KCNH8: variants seen among roughly 807,000 people sequenced by gnomAD.
The protein encoded by KCNH8 is potassium voltage-gated channel subfamily H member 8.
Under a neutral mutation model 103.6 loss-of-function variants are expected in KCNH8, and 70 were observed. The ratio of observed to expected loss-of-function variants is 0.68; its 90% CI spans 0.56 to 0.82. The LOEUF is 0.82. KCNH8 is among the 40% of genes least tolerant of loss of function. KCNH8 has a pLI of 0.00. For missense variants in KCNH8, 1,217 were observed against 1,329.9 expected, an observed-to-expected ratio of 0.92 and a Z score of 1.32; for synonymous variants, 498 against 489.4, an observed-to-expected ratio of 1.02 and a Z score of -0.23.
intron 2 of KCNH8, among the ~76,000 whole-genome samples, chr3:19,257,515 G>T (rs1185190804): frequency 6.6e-6 from 1 of 151,938 alleles, no homozygotes; most frequent in Non-Finnish European, 1.5e-5. Flanking sequence ...TCAACAAGTT[G>T]TGTCTTCTCT....
intron 2 of KCNH8, among the ~76,000 whole-genome samples, chr3:19,276,739 C>A (rs528564648): frequency 6.6e-6 from 1 of 152,166 alleles, no homozygotes; most frequent in Middle Eastern, 3.4e-3. Context: ...CATATGAGTT[C>A]TCTAATAATT....
intron 12 of KCNH8, 37 bp from the exon 13 acceptor site, chr3:19,512,933 T>C: frequency 6.4e-7 from 1 of 1,573,678 alleles, no homozygotes; most frequent in South Asian, 1.2e-5. Context: ...CTGCGGTTTT[T>C]GCAGTCTGTA....
At position 19,347,839 on chromosome 3, in the gene KCNH8, T is replaced by A; in HGVS notation, c.685T>A (p.Leu229Met). Reference protein sequence around the residue: ...TFKAGWDWLILLATFYVAVTV... With the variant: ...TFKAGWDWLIMLATFYVAVTV... ...TAAAGCTGGCTGGGACTGGCTTATT[T>A]TGTTGGCAACGTTTTATGTTGCTGT... is the stretch of plus-strand genomic sequence containing the variant. Residue 229 changes from leucine to methionine, a missense_variant, in exon 5 of 16, where the codon TTG becomes ATG. By Grantham distance (15) the Leu-to-Met change is conservative. This residue lies in a region of KCNH8 where 415 missense variants were observed against 577.4 expected (regional missense o/e 0.72). Coordinates refer to ENST00000328405, the MANE Select transcript of KCNH8 (RefSeq NM_144633.3). The A allele has an allele frequency of 6.2e-7, 1 of 1,613,426 alleles. No homozygotes were observed. The highest frequency in any genetic ancestry group is 8.5e-7 in the Non-Finnish European group (1 of 1,179,506).
chr3:19,443,738 T>C lies in KCNH8; in HGVS notation c.1375+5377T>C, dbSNP rs78538094. Among the ~76,000 whole-genome samples the C allele has an allele frequency of 2.8e-3, 424 of 151,940 alleles. 4 individuals are homozygous for C. Among genetic ancestry groups the C allele is most frequent in the African/African-American group, 9.7e-3 (404 of 41,532 alleles). On this transcript the variant is annotated intron_variant, in intron 8 of 15. Coordinates refer to ENST00000328405, the MANE Select transcript of KCNH8 (RefSeq NM_144633.3). ...AATGTTTATGGACACAAGATCAATA[T>C]GCAAAAAATCAATTGCATTTCTATA...
chr3:19,496,249 T>G (rs1336092011), intron 11 of KCNH8, among the ~76,000 whole-genome samples: 1 of 152,154 alleles, frequency 6.6e-6, no homozygotes, highest in Non-Finnish European at 1.5e-5. Flanking sequence ...GGAGTCATGA[T>G]AGAGGGCATC....
At chr3:19,376,595 G>C (rs1260118008) in intron 5 of KCNH8, among the ~76,000 whole-genome samples, 1 of 152,176 alleles carries the variant, frequency 6.6e-6, no homozygotes, top group Non-Finnish European at 1.5e-5. Flanking sequence ...GACCGGAGCT[G>C]TTCCTATTCG....
chr3:19,501,319 G>A (rs947691818), intron 11 of KCNH8, among the ~76,000 whole-genome samples: 2 of 152,134 alleles, frequency 1.3e-5, no homozygotes, highest in African/African-American at 4.8e-5. Context: ...CAGACCAGAT[G>A]GATTCACAGC....
chr3:19,499,964 T>C (rs1370183260), intron 11 of KCNH8, among the ~76,000 whole-genome samples: 3 of 152,116 alleles, frequency 2.0e-5, no homozygotes, highest in Non-Finnish European at 4.4e-5. Context: ...GTAAATGGAC[T>C]AAATGCTCCA....
At chr3:19,411,108 C>T (rs1024739946) in intron 7 of KCNH8, among the ~76,000 whole-genome samples, 1 of 151,846 alleles carries the variant, frequency 6.6e-6, no homozygotes, top group Non-Finnish European at 1.5e-5. Flanking sequence ...ATAGAAACAA[C>T]AATTCTCAAC....
chr3:19,313,508 C>T (rs2065232733), intron 3 of KCNH8, among the ~76,000 whole-genome samples: 1 of 151,862 alleles, frequency 6.6e-6, no homozygotes, highest in South Asian at 2.1e-4. Flanking sequence ...CATGACCACA[C>T]AGAACCATAC....
chr3:19,440,978 G>A (rs2067275184), intron 8 of KCNH8, among the ~76,000 whole-genome samples: 2 of 151,906 alleles, frequency 1.3e-5, no homozygotes, highest in South Asian at 2.1e-4. Context: ...ATTCTTCTTC[G>A]CTAGCTGACC....
intron 5 of KCNH8, among the ~76,000 whole-genome samples, chr3:19,379,233 C>G (rs1017223646): frequency 6.6e-6 from 1 of 152,186 alleles, no homozygotes; most frequent in African/African-American, 2.4e-5. Flanking sequence ...CAGTGGCAAT[C>G]CTTAAACAAA....
chr3:19,401,358 C>A (rs2125139086), intron 7 of KCNH8, among the ~76,000 whole-genome samples: 1 of 152,132 alleles, frequency 6.6e-6, no homozygotes, highest in Non-Finnish European at 1.5e-5. Context: ...TATACTTTTT[C>A]AATCCCCAAC....
At chr3:19,415,553 T>A (rs769301054) in intron 7 of KCNH8, among the ~76,000 whole-genome samples, 6 of 152,164 alleles carry the variant, frequency 3.9e-5, no homozygotes, top group Non-Finnish European at 7.4e-5. Context: ...ACTTGTTTTG[T>A]ACTTATTAAT....
At chr3:19,409,571 GTAAGTTAGA>G (rs1174523285) in intron 7 of KCNH8, among the ~76,000 whole-genome samples, 1 of 152,140 alleles carries the variant, frequency 6.6e-6, no homozygotes, top group Admixed American at 6.6e-5. Context: ...TCACAGAGTA[GTAAGTTAGA>G]TAAGAAAACA....
chr3:19,338,360 G>A (rs1278264742), intron 3 of KCNH8, among the ~76,000 whole-genome samples: 1 of 151,688 alleles, frequency 6.6e-6, no homozygotes, highest in Non-Finnish European at 1.5e-5. Flanking sequence ...TCAGATTTTA[G>A]CCCTCGGTCA....
At chr3:19,468,804 T>A (rs1415804339) in intron 11 of KCNH8, among the ~76,000 whole-genome samples, 1 of 152,204 alleles carries the variant, frequency 6.6e-6, no homozygotes, top group Non-Finnish European at 1.5e-5. Context: ...ACTTCATGAT[T>A]CCTTCCTTAG....
At chr3:19,306,688 G>T (rs528859762) in intron 3 of KCNH8, among the ~76,000 whole-genome samples, 1 of 152,184 alleles carries the variant, frequency 6.6e-6, no homozygotes, top group African/African-American at 2.4e-5. Flanking sequence ...ATGGGAGCAG[G>T]AGCCCCAGAG....
intron 11 of KCNH8, among the ~76,000 whole-genome samples, chr3:19,471,535 T>G (rs191845305): frequency 7.6e-4 from 115 of 152,314 alleles, no homozygotes; most frequent in African/African-American, 2.6e-3. Context: ...TACATACTGT[T>G]GATAGTATAG....
Sources: gnomAD v4.1 joint callset for allele counts (sites outside exome capture counted in the v4.1 genomes callset) on GRCh38, gnomAD v4.1.1 for gene constraint, gnomAD v4.1.1 regional missense constraint, MANE v1.5 for transcripts, NCBI Gene and HGNC (gene_info 2026-07-23, HGNC 2026-07-21) for gene names.